CFAP44: variants seen among roughly 807,000 people sequenced by gnomAD.
The protein encoded by CFAP44 is cilia- and flagella-associated protein 44.
Under a neutral mutation model 216.2 loss-of-function variants are expected in CFAP44, and 134 were observed. The ratio of observed to expected loss-of-function variants is 0.62; its 90% confidence interval spans 0.54 to 0.72. The LOEUF is 0.72. Among genes scored for constraint, CFAP44 ranks in the 30% least tolerant of loss-of-function variants. The pLI is 0.00. For synonymous variants in CFAP44, 700 were observed against 727.6 expected (o/e 0.96, Z 0.61); for missense variants, 2,035 against 2,182.1 (o/e 0.93, Z 1.34).
At chr3:113,433,756 A>G in intron 1 of CFAP44, 87 bp from the exon 2 acceptor site, 1 of 1,021,092 alleles carries the variant, frequency 9.8e-7, no homozygotes, top group Non-Finnish European at 1.5e-6. Context: ...CATTAGCACC[A>G]AACACCATGT....
chr3:113,330,520 T>C lies in CFAP44; in HGVS notation c.3764A>G (p.Lys1255Arg), dbSNP rs983331226. 5 of 1,537,154 alleles carry C rather than the reference T, an allele frequency of 3.3e-6. No individual in the cohort carries two copies. Among genetic ancestry groups the C allele is most frequent in the Admixed American group, 2.0e-5 (1 of 50,974 alleles). Residue 1255 changes from lysine (K) to arginine (R), a missense_variant, in exon 26 of 35, where the codon AAA becomes AGA. This residue lies in a region of CFAP44 where 1,883 missense variants were observed against 2,023.7 expected (regional missense o/e 0.93). Coordinates refer to ENST00000393845, the MANE Select transcript of CFAP44 (RefSeq NM_001164496.2). The part of the protein sequence containing the change: ...LHISKHIPIP[K>R]IPQIHPEEVP... ...TTCTTCTGGGTGTATCTGAGGAATT[T>C]TGGGAATGGGTATGTGCTTGGATAT... is the stretch of plus-strand genomic sequence containing the variant.
chr3:113,403,705 G>A (rs1360194197), intron 9 of CFAP44, 147 bp downstream of exon 9: 8 of 857,038 alleles, frequency 9.3e-6, no homozygotes, highest in Non-Finnish European at 1.3e-5. Flanking sequence ...TTTACCACAA[G>A]AGAAGCATTA....
chr3:113,414,757 T>C (rs567907008), intron 6 of CFAP44, among the ~76,000 whole-genome samples: 1 of 152,370 alleles, frequency 6.6e-6, no homozygotes, highest in South Asian at 2.1e-4. Flanking sequence ...CTGGATTTGG[T>C]TTGCCAGTAT....
intron 28 of CFAP44, among the ~76,000 whole-genome samples, chr3:113,309,924 G>A (rs1219684007): frequency 6.6e-6 from 1 of 152,168 alleles, no homozygotes; most frequent in Non-Finnish European, 1.5e-5. Context: ...CAAAGGACCA[G>A]GGAAGGGGCA....
At position 113,423,546 on chromosome 3, in the gene CFAP44, C is replaced by T. The variant is rs138299853; in HGVS notation, c.407+2578G>A. 6.0e-3 allele frequency among the ~76,000 whole-genome samples: 919 copies of T among 152,264 alleles called. 6 individuals are homozygous for T. The highest frequency in any genetic ancestry group is 0.027 in the Middle Eastern group (8 of 294). The stretch of plus-strand genomic sequence containing the variant: ...CTTCAGCTCCCTTTGTCTTATCTCA[C>T]CCTCTCTTCTGGCTTGCCTCTTCTT... On this transcript the variant is annotated intron_variant, in intron 4 of 34. Coordinates refer to ENST00000393845, the MANE Select transcript of CFAP44 (RefSeq NM_001164496.2).
intron 26 of CFAP44, among the ~76,000 whole-genome samples, chr3:113,328,696 T>TAAAAAAAAAAAAAA (rs58650082): frequency 2.5e-4 from 7 of 28,510 alleles, no homozygotes; most frequent in Admixed American, 5.4e-4. Flanking sequence ...TTAGAGAGCT[T>TAAAAAAAAAAAAAA]AAAAAAAAAA....
intron 31 of CFAP44, 47 bp downstream of exon 31, chr3:113,304,989 G>A: frequency 1.0e-5 from 15 of 1,496,838 alleles, no homozygotes; most frequent in Non-Finnish European, 1.2e-5. Flanking sequence ...GCTTGGGTGT[G>A]ATGACTCTTC....
In CFAP44 at chr3:113,397,561, T is replaced by G. The variant is rs566056410; in HGVS notation, c.1570-834A>C. Reference sequence around the variant, plus strand: ...AGTATGGAAAATAGATATGAGGTGGTTTGGATAGGATGCTGGGAGAACTTT... The same window carrying G: ...AGTATGGAAAATAGATATGAGGTGGGTTGGATAGGATGCTGGGAGAACTTT... On this transcript the variant is annotated intron_variant, in intron 13 of 34. Transcript: ENST00000393845. 9.9e-5 allele frequency among the ~76,000 whole-genome samples: 15 copies of G among 152,214 alleles called. No homozygotes were observed. The South Asian group carries it at 1.7e-3, about 17-fold the overall frequency.
At chr3:113,384,704 C>T (rs1933601730) in intron 15 of CFAP44, among the ~76,000 whole-genome samples, 2 of 152,132 alleles carry the variant, frequency 1.3e-5, no homozygotes. Context: ...GGGCTTCTAG[C>T]CTCCAGAATT....
At chr3:113,353,014 G>T (rs1224202866) in intron 22 of CFAP44, among the ~76,000 whole-genome samples, 3 of 152,182 alleles carry the variant, frequency 2.0e-5, no homozygotes, top group African/African-American at 7.2e-5. Context: ...CGGAAAGCAG[G>T]AGTTAAGGAA....
Position 113,441,442 on chromosome 3 carries a change from T to A in CFAP44, c.-6+11A>T, listed in dbSNP as rs2107428927. The A allele has an allele frequency of 1.0e-6, 1 of 985,514 alleles. No homozygotes were observed. Among genetic ancestry groups the A allele is most frequent in the Admixed American group, 6.1e-5 (1 of 16,266 alleles). 61.0% of individuals were successfully genotyped at this position (985,514 alleles called of 1,614,324 possible). ...GTGTGGAAACTGCCGGCTGCTGAGG[T>A]CCAAACTCACCGAAGGTACTGACCG... is the stretch of plus-strand genomic sequence containing the variant. On this transcript the variant is annotated intron_variant, in intron 1 of 34. Transcript: ENST00000393845.
intron 4 of CFAP44, among the ~76,000 whole-genome samples, chr3:113,424,811 G>A (rs1399788847): frequency 1.3e-5 from 2 of 152,164 alleles, no homozygotes; most frequent in African/African-American, 2.4e-5. Flanking sequence ...TAAAAGTTAA[G>A]GTTCTTCTGA....
Position 113,420,133 on chromosome 3 carries a change from G to A in CFAP44, c.454C>T (p.Leu152=), listed in dbSNP as rs1227463902. The A allele has an allele frequency of 9.9e-6, 16 of 1,613,734 alleles. No individual in the cohort carries two copies. The highest frequency in any genetic ancestry group is 1.3e-5 in the Non-Finnish European group (15 of 1,179,872). The part of the protein sequence containing the change: ...DCRKRANLQL[L]DDSIAIYIAG... Reference sequence around the variant, plus strand: ...ATGTATATGGCGATACTGTCGTCCAGAAGTTGTAGGTTGGCTCGCTTTCTA... The same window carrying A: ...ATGTATATGGCGATACTGTCGTCCAAAAGTTGTAGGTTGGCTCGCTTTCTA... The change falls in exon 5 of 35, where the codon CTG becomes TTG. Residue 152 remains leucine, a synonymous_variant. Transcript: ENST00000393845.
In CFAP44 at chr3:113,395,867, A is replaced by G; in HGVS notation, c.1780-7T>C. The stretch of plus-strand genomic sequence containing the variant: ...AAACAGTTTGATCTTTACTCTAAGG[A>G]AAAAGAGACACACCGACGAAATATA... On this transcript the variant is annotated splice_polypyrimidine_tract_variant and splice_region_variant and intron_variant, in intron 14 of 34. Transcript: ENST00000393845. 6.3e-7 allele frequency: 1 copy of G among 1,598,128 alleles called. No homozygotes were observed. Among genetic ancestry groups the G allele is most frequent in the Non-Finnish European group, 8.6e-7 (1 of 1,168,188 alleles).
At chr3:113,363,799 T>C (rs1950564245) in intron 19 of CFAP44, among the ~76,000 whole-genome samples, 1 of 152,164 alleles carries the variant, frequency 6.6e-6, no homozygotes, top group African/African-American at 2.4e-5. Context: ...AATATCCCCA[T>C]AATTTCCCCT....
At chr3:113,374,619 ACAATC>A (rs1933279589) in intron 17 of CFAP44, among the ~76,000 whole-genome samples, 1 of 152,048 alleles carries the variant, frequency 6.6e-6, no homozygotes. Context: ...AAAGGTGGGA[ACAATC>A]CAAGTGTCTA....
chr3:113,422,406 T>C (rs1934841109), intron 4 of CFAP44, among the ~76,000 whole-genome samples: 1 of 152,182 alleles, frequency 6.6e-6, no homozygotes, highest in Non-Finnish European at 1.5e-5. Flanking sequence ...GCAATTTAAA[T>C]TGTGAAATAT....
intron 29 of CFAP44, among the ~76,000 whole-genome samples, chr3:113,307,657 G>C (rs1272020070): frequency 3.3e-5 from 5 of 152,150 alleles, no homozygotes; most frequent in Admixed American, 6.5e-5. Flanking sequence ...AGTAGAAGTT[G>C]AATATTATTG....
At chr3:113,315,785 C>A (rs1339381910) in intron 28 of CFAP44, among the ~76,000 whole-genome samples, 1 of 152,156 alleles carries the variant, frequency 6.6e-6, no homozygotes, top group Non-Finnish European at 1.5e-5. Flanking sequence ...ATGAGATATT[C>A]AATAGCTGAT....
Sources: allele counts gnomAD v4.1 joint callset (sites outside exome capture counted in the v4.1 genomes callset), GRCh38; gene constraint gnomAD v4.1.1; regional missense constraint gnomAD v4.1.1; transcripts MANE v1.5; gene names NCBI Gene and HGNC (gene_info 2026-07-23, HGNC 2026-07-21).